SAPCD2: variants seen among roughly 807,000 people sequenced by gnomAD.
SAPCD2 encodes suppressor APC domain-containing protein 2.
In SAPCD2, 34 loss-of-function variants were observed where a neutral mutation model predicts 37.8. The ratio of observed to expected loss-of-function variants is 0.90; its 90% confidence interval spans 0.68 to 1.20. The LOEUF (loss-of-function observed/expected upper bound fraction) is 1.20. Ranked by LOEUF, SAPCD2 falls within the 50% of genes most tolerant of loss-of-function variation. The pLI, the probability that SAPCD2 is intolerant of heterozygous loss-of-function variation, is 0.00. For missense variants in SAPCD2, 572 were observed against 584.7 expected, an observed-to-expected ratio of 0.98 and a Z score of 0.22; for synonymous variants, 275 against 270.3, an observed-to-expected ratio of 1.02 and a Z score of -0.17.
chr9:137,067,083 G>A (rs1393144422), intron 1 of SAPCD2, among the ~76,000 whole-genome samples: 2 of 152,120 alleles, frequency 1.3e-5, no homozygotes, highest in African/African-American at 2.4e-5. Context: ...CGCCTCCCAG[G>A]TTCAAGTGAT....
chr9:137,066,235 C>T, intron 2 of SAPCD2, 27 bp downstream of exon 2: 1 of 1,546,080 alleles, frequency 6.5e-7, no homozygotes, highest in South Asian at 1.2e-5. Flanking sequence ...AGATGGAGAG[C>T]CCCACAGAGC....
At chr9:137,066,082 C>T (rs1056291065) in intron 2 of SAPCD2, among the ~76,000 whole-genome samples, 180 bp downstream of exon 2, 1 of 152,248 alleles carries the variant, frequency 6.6e-6, no homozygotes, top group African/African-American at 2.4e-5. Flanking sequence ...TCTTGACCTC[C>T]CTCTGCCTGA....
At position 137,070,328 on chromosome 9, in the gene SAPCD2, C is replaced by T; in HGVS notation, c.133G>A (p.Gly45Ser). The stretch of plus-strand genomic sequence containing the variant: ...TCGATCTCGCGCAGGTGCACGCAGC[C>T]GCGCCGCCGGTCGTCCAGGATGTCG... ...LFDILDDRRR[G>S]CVHLREIESR... Residue 45 changes from glycine (G) to serine (S), a missense_variant, in exon 1 of 6, where the codon GGC (glycine) becomes AGC (serine). Coordinates refer to ENST00000409687, the MANE Select transcript of SAPCD2 (RefSeq NM_178448.4). 2.7e-6 allele frequency: 4 copies of T among 1,475,184 alleles called. No individual in the cohort carries two copies. Among genetic ancestry groups the T allele is most frequent in the South Asian group, 1.3e-5 (1 of 78,676 alleles). The allele number at this position is 1,475,184 out of a possible 1,614,324, so 91.4% of individuals were successfully genotyped here. A position where few individuals can be genotyped will look rare whatever the true frequency, so the allele number is the denominator to read the frequency against.
Position 137,070,320 on chromosome 9 carries a change from C to G in SAPCD2, c.141G>C (p.Val47=). 6.8e-7 allele frequency: 1 copy of G among 1,477,368 alleles called. No individual in the cohort carries two copies. Among genetic ancestry groups the G allele is most frequent in the Non-Finnish European group, 9.0e-7 (1 of 1,117,182 alleles). 91.5% of individuals were successfully genotyped at this position (1,477,368 alleles called of 1,614,324 possible). A position where few individuals can be genotyped will look rare whatever the true frequency, so the allele number is the denominator to read the frequency against. Residue 47 remains valine (V), a synonymous_variant, in exon 1 of 6, where the codon GTG becomes GTC. Transcript: ENST00000409687. ...AGCGGGACTCGATCTCGCGCAGGTGCACGCAGCCGCGCCGCCGGTCGTCCA... is the reference window on the plus strand; with the variant it reads ...AGCGGGACTCGATCTCGCGCAGGTGGACGCAGCCGCGCCGCCGGTCGTCCA... ...DILDDRRRGC[V]HLREIESRWQ... is the part of the protein sequence containing the mutation.
At position 137,065,639 on chromosome 9, in the gene SAPCD2, C is replaced by G. The variant is rs545690710; in HGVS notation, c.714G>C (p.Glu238Asp). 6.2e-7 allele frequency: 1 copy of G among 1,608,310 alleles called. No individual in the cohort carries two copies. Among genetic ancestry groups the G allele is most frequent in the East Asian group, 2.2e-5 (1 of 44,668 alleles). ...CCAAACCCTGCAGCAGCACCTCCTT[C>G]TCCTGCTCCAGCTCCTTCATCTGCT... Reference protein sequence around the residue: ...LLKQMKELEQEKEVLLQGLEM... With the variant: ...LLKQMKELEQDKEVLLQGLEM... Residue 238 changes from glutamate to aspartate, a missense_variant, in exon 3 of 6, where the codon GAG becomes GAC. Coordinates refer to ENST00000409687, the MANE Select transcript of SAPCD2 (RefSeq NM_178448.4).
intron 2 of SAPCD2, 123 bp downstream of exon 2, chr9:137,066,139 A>G: frequency 1.3e-6 from 1 of 771,794 alleles, no homozygotes; most frequent in Non-Finnish European, 2.1e-6. Flanking sequence ...AGGGAGAGAG[A>G]TGTCCAGAGC....
intron 2 of SAPCD2, 139 bp downstream of exon 2, chr9:137,066,123 C>A (rs542226762): frequency 1.3e-4 from 94 of 733,924 alleles, no homozygotes; most frequent in Non-Finnish European, 2.0e-4. Context: ...GGAGTCAAGC[C>A]CAGGTAGGGA....
At chr9:137,069,741 G>A (rs373790722) in intron 1 of SAPCD2, 149 bp downstream of exon 1, 1 of 541,410 alleles carries the variant, frequency 1.8e-6, no homozygotes, top group Non-Finnish European at 2.7e-6. Context: ...CAGACCCGCC[G>A]AGGCGCCCTC....
rs1159057297 is a variant in SAPCD2 at position 137,064,730 on chromosome 9, T to C, written c.1114A>G (p.Ile372Val). The C allele has an allele frequency of 1.3e-6, 2 of 1,591,536 alleles. No individual in the cohort carries two copies. The highest frequency in any genetic ancestry group is 1.7e-6 in the Non-Finnish European group (2 of 1,170,004). Residue 372 changes from isoleucine (I) to valine (V), a missense_variant, in exon 6 of 6, where the codon ATT (isoleucine) becomes GTT (valine). Ile to Val is a conservative substitution (Grantham distance 29). Transcript: ENST00000409687. ...GCGCGGGCCTCAAACAGCTGCTTAA[T>C]GAGCGCCGACTTCTCCTGCTCCAGC... is the stretch of plus-strand genomic sequence containing the variant. ...TQLEQEKSAL[I>V]KQLFEARALS... is the part of the protein sequence containing the mutation.
intron 2 of SAPCD2, 39 bp downstream of exon 2, chr9:137,066,223 C>T: frequency 6.6e-7 from 1 of 1,515,150 alleles, no homozygotes; most frequent in East Asian, 2.4e-5. Flanking sequence ...AGCCTCCAGG[C>T]AAGATGGAGA....
rs1428638757 is a variant in SAPCD2 at position 137,064,575 on chromosome 9, C to A, written c.*84G>T. 5 of 1,491,018 alleles carry A rather than the reference C, an allele frequency of 3.4e-6. No individual in the cohort carries two copies. The African/African-American group carries it at 7.0e-5, about 21-fold the overall frequency. The allele number at this position is 1,491,018 out of a possible 1,614,324, so 92.4% of individuals were successfully genotyped here. On this transcript the variant is annotated 3_prime_UTR_variant, in exon 6 of 6. Transcript: ENST00000409687. Reference sequence around the variant, plus strand: ...CCTGGGCCTGCCGGGGGTCTCCAGCCAGAGAGGGTGGGTGCGATGGGGCGC... The same window carrying A: ...CCTGGGCCTGCCGGGGGTCTCCAGCAAGAGAGGGTGGGTGCGATGGGGCGC...
rs1311880506 is a variant in SAPCD2 at position 137,064,475 on chromosome 9, C to T, written c.*184G>A. 8 of 673,868 alleles carry T rather than the reference C, an allele frequency of 1.2e-5. No homozygotes were observed. The highest frequency in any genetic ancestry group is 5.5e-5 in the African/African-American group (3 of 54,980). The allele number at this position is 673,868 out of a possible 1,614,324, so 41.7% of individuals were successfully genotyped here. A position where few individuals can be genotyped will look rare whatever the true frequency, so the allele number is the denominator to read the frequency against. On this transcript the variant is annotated 3_prime_UTR_variant, in exon 6 of 6. Coordinates refer to ENST00000409687, the MANE Select transcript of SAPCD2 (RefSeq NM_178448.4). ...CCAAAACGGAGTCAAGCGCTCGGTG[C>T]GGGGACCAGCCGGGGGCAGGCCTGG...
chr9:137,062,240 G>C lies in SAPCD2; in HGVS notation c.*2419C>G, dbSNP rs1361027699. The C allele has an allele frequency of 6.6e-6, 1 of 151,798 alleles. No individual in the cohort carries two copies. The highest frequency in any genetic ancestry group is 1.5e-5 in the Non-Finnish European group (1 of 67,962). The allele number at this position is 151,798 out of a possible 1,614,324, so 9.4% of individuals were successfully genotyped here. ...TAGAGTCAATCTGTTGCTTCTGCTGGGTCTCATAGTGTATTGTTTCCTTGT... is the reference window on the plus strand; with the variant it reads ...TAGAGTCAATCTGTTGCTTCTGCTGCGTCTCATAGTGTATTGTTTCCTTGT... On this transcript the variant is annotated 3_prime_UTR_variant, in exon 6 of 6. Coordinates refer to ENST00000409687, the MANE Select transcript of SAPCD2 (RefSeq NM_178448.4).
At chr9:137,069,291 A>G (rs532516359) in intron 1 of SAPCD2, among the ~76,000 whole-genome samples, 2 of 152,326 alleles carry the variant, frequency 1.3e-5, no homozygotes, top group East Asian at 1.9e-4. Context: ...ATGTCCCTCC[A>G]TGGCATCTGC....
At position 137,064,613 on chromosome 9, in the gene SAPCD2, G is replaced by A. The variant is rs746206408; in HGVS notation, c.*46C>T. On this transcript the variant is annotated 3_prime_UTR_variant, in exon 6 of 6. Transcript: ENST00000409687. ...TGCGATGGGGCGCCCACCCTCGAAG[G>A]GCTGAGTGCCAGGCTGGCCCTGGGG... 2.6e-5 allele frequency: 41 copies of A among 1,568,176 alleles called. No individual in the cohort carries two copies. Among genetic ancestry groups the A allele is most frequent in the Non-Finnish European group, 3.5e-5 (40 of 1,157,792 alleles).
chr9:137,070,333 CG>C lies in SAPCD2; in HGVS notation c.127del (p.Arg43GlyfsTer40). 1 of 1,473,530 alleles carries C rather than the reference CG, an allele frequency of 6.8e-7. No homozygotes were observed. Among genetic ancestry groups the C allele is most frequent in the Non-Finnish European group, 9.0e-7 (1 of 1,114,726 alleles). The allele number at this position is 1,473,530 out of a possible 1,614,324, so 91.3% of individuals were successfully genotyped here. On this transcript the variant is annotated frameshift_variant, in exon 1 of 6. Transcript: ENST00000409687. LOFTEE classifies it high-confidence loss of function. Reference sequence around the variant, plus strand: ...CTCGCGCAGGTGCACGCAGCCGCGCCGCCGGTCGTCCAGGATGTCGAACAGG... The same window carrying C: ...CTCGCGCAGGTGCACGCAGCCGCGCCCCGGTCGTCCAGGATGTCGAACAGG... ...RTLFDILDDR[R>X]RGCVHLREIE...
At chr9:137,065,490 T>G (rs1832530524) in intron 3 of SAPCD2, 32 bp downstream of exon 3, 1 of 1,561,574 alleles carries the variant, frequency 6.4e-7, no homozygotes. Flanking sequence ...TCCCCATGTG[T>G]GGGGATCTGG....
chr9:137,066,499 C>T (rs1387840523), intron 1 of SAPCD2, 125 bp from the exon 2 acceptor site: 21 of 657,884 alleles, frequency 3.2e-5, no homozygotes, highest in South Asian at 1.9e-4. Context: ...GCATGGCCCA[C>T]GTGTAGCCTC....
At chr9:137,067,735 A>C (rs905636883) in intron 1 of SAPCD2, among the ~76,000 whole-genome samples, 29 of 125,576 alleles carry the variant, frequency 2.3e-4, no homozygotes, top group Non-Finnish European at 3.0e-4. Flanking sequence ...GATTCGCGCC[A>C]CTGCACTCCA....
Sources: gnomAD v4.1 joint callset for allele counts (sites outside exome capture counted in the v4.1 genomes callset) on GRCh38, gnomAD v4.1.1 for gene constraint, MANE v1.5 for transcripts, NCBI Gene and HGNC (gene_info 2026-07-23, HGNC 2026-07-21) for gene names.